The following TOR3A variants were observed in gnomAD, a reference collection of about 807,000 sequenced individuals.
TOR3A encodes torsin family 3 member A, also known as torsin-3A.
Under a neutral mutation model 42.1 loss-of-function variants are expected in TOR3A, and 44 were observed. The observed-to-expected ratio is 1.04, with a 90% CI of 0.82 to 1.34. The LOEUF is 1.34. Among genes scored for constraint, TOR3A ranks in the 40% most tolerant of loss-of-function variants. TOR3A has a pLI of 0.00. For missense variants in TOR3A, 521 were observed against 507.6 expected (o/e 1.03, Z -0.25); for synonymous variants, 227 against 213.2 (o/e 1.06, Z -0.57).
In TOR3A at chr1:179,095,423, C is replaced by CCGAGATAGATAGGAACTTGGATTGCTG. The variant is rs1383922516; in HGVS notation, c.*206_*232dup. On this transcript the variant is annotated 3_prime_UTR_variant, in exon 6 of 6. Coordinates refer to ENST00000367627, the MANE Select transcript of TOR3A (RefSeq NM_022371.4). The stretch of plus-strand genomic sequence containing the variant: ...CTTTTTCTTTTTTTTGGAGGTCCCA[C>CCGAGATAGATAGGAACTTGGATTGCTG]CGAGATAGATAGGAACTTGGATTGC... The CCGAGATAGATAGGAACTTGGATTGCTG allele has an allele frequency of 7.2e-7, 1 of 1,387,614 alleles. No individual in the cohort carries two copies. Among genetic ancestry groups the CCGAGATAGATAGGAACTTGGATTGCTG allele is most frequent in the Non-Finnish European group, 9.4e-7 (1 of 1,068,268 alleles). 86.0% of individuals were successfully genotyped at this position (1,387,614 alleles called of 1,614,324 possible).
intron 2 of TOR3A, 120 bp from the exon 3 acceptor site, chr1:179,085,505 CAGG>C (rs1652406180): frequency 1.6e-6 from 2 of 1,242,854 alleles, no homozygotes; most frequent in South Asian, 2.8e-5. Context: ...TAAGGCCAAA[CAGG>C]AGGAGTAACT....
At chr1:179,084,844 A>G (rs1652386067) in intron 2 of TOR3A, among the ~76,000 whole-genome samples, 1 of 152,122 alleles carries the variant, frequency 6.6e-6, no homozygotes, top group Non-Finnish European at 1.5e-5. Flanking sequence ...CCATCTCCAA[A>G]TCCTACAACC....
At chr1:179,094,314 T>G in intron 5 of TOR3A, 97 bp downstream of exon 5, 1 of 1,462,116 alleles carries the variant, frequency 6.8e-7, no homozygotes, top group Non-Finnish European at 9.2e-7. Context: ...ACAGGGTACT[T>G]GGGAACACAG....
chr1:179,086,458 A>C (rs539139306), intron 3 of TOR3A, among the ~76,000 whole-genome samples: 1 of 152,320 alleles, frequency 6.6e-6, no homozygotes, highest in Admixed American at 6.5e-5. Context: ...CGAGGTCAGG[A>C]GATCGAGACC....
chr1:179,094,340 C>A, intron 5 of TOR3A, 123 bp downstream of exon 5: 1 of 1,253,478 alleles, frequency 8.0e-7, no homozygotes, highest in Non-Finnish European at 1.1e-6. Flanking sequence ...AGACTATAAT[C>A]ATCTCACATT....
At chr1:179,089,386 G>A (rs781550303) in intron 4 of TOR3A, among the ~76,000 whole-genome samples, 1 of 152,012 alleles carries the variant, frequency 6.6e-6, no homozygotes, top group African/African-American at 2.4e-5. Context: ...GTGTAGTGGC[G>A]GGAAGCCCTT....
At chr1:179,090,956 C>G (rs868356638) in intron 4 of TOR3A, among the ~76,000 whole-genome samples, 5 of 152,122 alleles carry the variant, frequency 3.3e-5, no homozygotes, top group Non-Finnish European at 2.9e-5. Context: ...TTTGTGGAGT[C>G]GTGGTGGGCC....
At position 179,082,082 on chromosome 1, in the gene TOR3A, G is replaced by T. The variant is rs755535696; in HGVS notation, c.-47G>T. ...GCCTGACCGCCCCGGGCTTAAGGGAGCCTGGCTAGGCCGGCAGCCGGATGG... is the reference window on the plus strand; with the variant it reads ...GCCTGACCGCCCCGGGCTTAAGGGATCCTGGCTAGGCCGGCAGCCGGATGG... On this transcript the variant is annotated 5_prime_UTR_variant, in exon 1 of 6. Coordinates refer to ENST00000367627, the MANE Select transcript of TOR3A (RefSeq NM_022371.4). 1.4e-6 allele frequency: 2 copies of T among 1,421,906 alleles called. No individual in the cohort carries two copies. The highest frequency in any genetic ancestry group is 1.8e-6 in the Non-Finnish European group (2 of 1,099,900). 88.1% of individuals were successfully genotyped at this position (1,421,906 alleles called of 1,614,324 possible).
rs775020822 is a variant in TOR3A, at chr1:179,094,217, GGTGA to G, written c.943+3_943+6del. On this transcript the variant is annotated splice_donor_variant and splice_donor_region_variant and intron_variant, in intron 5 of 5. Transcript: ENST00000367627. LOFTEE classifies it high-confidence loss of function. ...CCAGGCGGAGATTGTGGAGACCATA[GGTGA>G]GTAACTGACTCAATATGCCTCTGGT... 313 of 1,611,616 alleles carry G rather than the reference GGTGA, an allele frequency of 1.9e-4. No individual in the cohort carries two copies. In the Middle Eastern group the frequency reaches 3.1e-3, roughly 16 times the overall value.
rs1157015927 is a variant in TOR3A, at chr1:179,088,043, G to A, written c.772G>A (p.Glu258Lys). The A allele has an allele frequency of 6.2e-7, 1 of 1,612,774 alleles. No individual in the cohort carries two copies. The highest frequency in any genetic ancestry group is 8.5e-7 in the Non-Finnish European group (1 of 1,179,448). Residue 258 changes from glutamate (E) to lysine (K), a missense_variant, in exon 4 of 6, where the codon GAG becomes AAG. Transcript: ENST00000367627. ...LGPHLERRAP[E>K]GHRAESPWTI... is the part of the protein sequence containing the mutation. ...GCCACACTTAGAACGCCGGGCCCCT[G>A]AGGGCCACAGGGCTGAGTCTCCATG... is the stretch of plus-strand genomic sequence containing the variant.
chr1:179,082,228 G>T lies in TOR3A; in HGVS notation c.100G>T (p.Asp34Tyr), dbSNP rs891867271. The change falls in exon 1 of 6, where the codon GAC (aspartate) becomes TAC (tyrosine). Residue 34 changes from aspartate to tyrosine, a missense_variant. Asp to Tyr is a radical substitution (Grantham distance 160). Transcript: ENST00000367627. ...CGCCTCCAGGCCGTGGGAGGGAACC[G>T]ACGAGCCGGGCTCGGCCTGGGCCTG... ...RGASRPWEGT[D>Y]EPGSAWAWPG... 6.6e-7 allele frequency: 1 copy of T among 1,516,862 alleles called. No individual in the cohort carries two copies. The highest frequency in any genetic ancestry group is 2.6e-5 in the East Asian group (1 of 38,300). The allele number at this position is 1,516,862 out of a possible 1,614,324, so 94.0% of individuals were successfully genotyped here. A position where few individuals can be genotyped will look rare whatever the true frequency, so the allele number is the denominator to read the frequency against.
At chr1:179,091,411 C>G (rs937640272) in intron 4 of TOR3A, among the ~76,000 whole-genome samples, 1 of 152,010 alleles carries the variant, frequency 6.6e-6, no homozygotes, top group Admixed American at 6.6e-5. Flanking sequence ...AGGGGCGGCG[C>G]GTAGAGAGGG....
chr1:179,082,918 C>G, intron 1 of TOR3A, 22 bp from the exon 2 acceptor site: 1 of 1,513,028 alleles, frequency 6.6e-7, no homozygotes, highest in Non-Finnish European at 9.0e-7. Context: ...TCCTCTCGGT[C>G]TCACAGCTCC....
At chr1:179,084,479 C>T (rs1473056370) in intron 2 of TOR3A, among the ~76,000 whole-genome samples, 1 of 152,190 alleles carries the variant, frequency 6.6e-6, no homozygotes, top group African/African-American at 2.4e-5. Flanking sequence ...CCGCCTCAGC[C>T]TCCCCAAGTG....
intron 4 of TOR3A, among the ~76,000 whole-genome samples, chr1:179,089,302 CAA>C (rs1475390174): frequency 1.5e-5 from 2 of 136,310 alleles, no homozygotes; most frequent in Non-Finnish European, 3.1e-5. Flanking sequence ...GCCTGGGCAA[CAA>C]GAGAGAGACT....
At chr1:179,090,838 G>A (rs1652562322) in intron 4 of TOR3A, among the ~76,000 whole-genome samples, 2 of 152,202 alleles carry the variant, frequency 1.3e-5, no homozygotes, top group African/African-American at 4.8e-5. Flanking sequence ...TGTTCTCATG[G>A]GAGCTGTAAA....
chr1:179,083,799 T>A (rs61171624), intron 2 of TOR3A, among the ~76,000 whole-genome samples: 3,193 of 152,280 alleles, frequency 0.021, 127 homozygotes, highest in African/African-American at 0.074. Flanking sequence ...TTTGGCCCCA[T>A]GTTCTGAAAC....
chr1:179,094,853 G>A (rs1406085352), intron 5 of TOR3A, 115 bp from the exon 6 acceptor site: 7 of 1,003,368 alleles, frequency 7.0e-6, no homozygotes, highest in African/African-American at 1.6e-5. Context: ...ACTCCAGCCT[G>A]GTTGACAGAG....
At position 179,089,817 on chromosome 1, in the gene TOR3A, A is replaced by G. The variant is rs566790835; in HGVS notation, c.818+1728A>G. ...CCTCGGGCCTCCCTTTCGCTTCCACAGGGATCTCCCTTGCGCTGAGTGTCT... is the reference window on the plus strand; with the variant it reads ...CCTCGGGCCTCCCTTTCGCTTCCACGGGGATCTCCCTTGCGCTGAGTGTCT... On this transcript the variant is annotated intron_variant, in intron 4 of 5. Coordinates refer to ENST00000367627, the MANE Select transcript of TOR3A (RefSeq NM_022371.4). 3.0e-3 allele frequency among the ~76,000 whole-genome samples: 456 copies of G among 152,146 alleles called. 3 individuals carry two copies. The highest frequency in any genetic ancestry group is 0.01 in the African/African-American group (418 of 41,526).
Sources: gnomAD v4.1 joint callset for allele counts (sites outside exome capture counted in the v4.1 genomes callset) on GRCh38, gnomAD v4.1.1 for gene constraint, MANE v1.5 for transcripts, NCBI Gene and HGNC (gene_info 2026-07-23, HGNC 2026-07-21) for gene names.